The following MYOM1 variants were observed in gnomAD, a reference collection of about 807,000 sequenced individuals.
MYOM1 encodes the protein myomesin 1.
A neutral mutation model predicts 205.3 loss-of-function variants in MYOM1; 164 were observed. That is an observed-to-expected ratio of 0.80 (90% CI 0.70 to 0.91). The LOEUF is 0.91. Ranked by LOEUF, MYOM1 falls within the 40% of genes least tolerant of loss-of-function variation. The pLI is 0.00. For missense variants in MYOM1, 2,011 were observed against 2,127.3 expected (o/e 0.95, Z 1.08); for synonymous variants, 772 against 789.4 (o/e 0.98, Z 0.37).
In MYOM1 at chr18:3,079,246, C is replaced by G. The variant is rs1162855992; in HGVS notation, c.4581G>C (p.Gly1527=). ...QINEPTPNDK[G]KYVMELFDGK... ...CATCAAAGAGCTCCATGACATACTTCCCTTTGTCATTCGGGGTGGGCTCGT... is the reference window on the plus strand; with the variant it reads ...CATCAAAGAGCTCCATGACATACTTGCCTTTGTCATTCGGGGTGGGCTCGT... The change falls in exon 34 of 38, where the codon GGG becomes GGC. Residue 1527 remains glycine, a synonymous_variant. Transcript: ENST00000356443. 12 of 1,613,922 alleles carry G rather than the reference C, an allele frequency of 7.4e-6. No individual in the cohort carries two copies. The highest frequency in any genetic ancestry group is 1.0e-5 in the Non-Finnish European group (12 of 1,179,848).
chr18:3,210,908 A>C (rs2081183442), intron 2 of MYOM1, among the ~76,000 whole-genome samples: 1 of 152,212 alleles, frequency 6.6e-6, no homozygotes, highest in Admixed American at 6.5e-5. Flanking sequence ...TGAAGATAAA[A>C]ATTTCTACTG....
At chr18:3,123,854 C>T (rs913142676) in intron 19 of MYOM1, among the ~76,000 whole-genome samples, 10 of 148,474 alleles carry the variant, frequency 6.7e-5, no homozygotes, top group Non-Finnish European at 1.5e-4. Context: ...CAGGATCTCG[C>T]TCTGTCACCA....
In MYOM1 at chr18:3,148,630, G is replaced by A. The variant is rs1339617702; in HGVS notation, c.1900+515C>T. Reference sequence around the variant, plus strand: ...TGGGAGGCCGAGACGGGCGGATCACGAGGTCAGGAGATCGAGACCATCCTG... The same window carrying A: ...TGGGAGGCCGAGACGGGCGGATCACAAGGTCAGGAGATCGAGACCATCCTG... On this transcript the variant is annotated intron_variant, in intron 13 of 37. Transcript: ENST00000356443. Among the ~76,000 whole-genome samples, 36 of 151,892 alleles carry A rather than the reference G, an allele frequency of 2.4e-4. 1 individual carries two copies. Among genetic ancestry groups the A allele is most frequent in the Admixed American group, 2.4e-3 (36 of 15,246 alleles).
chr18:3,221,750 A>G (rs930224417), upstream of MYOM1, among the ~76,000 whole-genome samples: 6 of 152,192 alleles, frequency 3.9e-5, no homozygotes, highest in Admixed American at 3.3e-4. Context: ...TGTTCCACCT[A>G]GTTCTGATCC....
chr18:3,169,310 A>G (rs1277023382), intron 8 of MYOM1, among the ~76,000 whole-genome samples: 3 of 152,198 alleles, frequency 2.0e-5, no homozygotes, highest in African/African-American at 7.2e-5. Context: ...GCTGCAACAT[A>G]TGCACTTTGT....
chr18:3,083,584 G>A (rs2079113547), intron 33 of MYOM1, among the ~76,000 whole-genome samples: 1 of 139,606 alleles, frequency 7.2e-6, no homozygotes, highest in African/African-American at 2.6e-5. Context: ...GTCTGCCACT[G>A]CGCCCAGCTC....
chr18:3,187,632 T>C lies in MYOM1; in HGVS notation c.777A>G (p.Glu259=). Residue 259 remains glutamate, a synonymous_variant, in exon 5 of 38, where the codon GAA becomes GAG. Transcript: ENST00000356443. ...GCTTGGCATGATATGTCTCGGTTTC[T>C]TCTAACTGAAAAAACAAATATGCAA... is the stretch of plus-strand genomic sequence containing the variant. ...AERLSLRKTL[E]ETETYHAKLN... is the part of the protein sequence containing the mutation. 6.3e-7 allele frequency: 1 copy of C among 1,590,614 alleles called. No individual in the cohort carries two copies. Among genetic ancestry groups the C allele is most frequent in the Non-Finnish European group, 8.6e-7 (1 of 1,163,408 alleles).
Position 3,116,496 on chromosome 18 carries a change from C to T in MYOM1, c.3138G>A (p.Lys1046=), listed in dbSNP as rs1347353023. ...GTGAGTCTTTCCTGACTTCACTACA[C>T]TTGAGACTGTGCGGTGGTCCTGAGA... ...IAVPGPPHSL[K]CSEVRKDSLV... is the part of the protein sequence containing the mutation. The change falls in exon 21 of 38, where the codon AAG becomes AAA. Residue 1046 remains lysine (K), a synonymous_variant. Transcript: ENST00000356443. The T allele has an allele frequency of 3.1e-6, 5 of 1,588,730 alleles. No individual in the cohort carries two copies. The African/African-American group carries it at 4.1e-5, about 13-fold the overall frequency.
chr18:3,161,520 A>G (rs572221401), intron 10 of MYOM1, among the ~76,000 whole-genome samples: 18 of 152,202 alleles, frequency 1.2e-4, no homozygotes, highest in Non-Finnish European at 2.1e-4. Flanking sequence ...GATGAGGGCA[A>G]TTCGGCCTCT....
At chr18:3,182,321 T>G (rs2080746399) in intron 5 of MYOM1, among the ~76,000 whole-genome samples, 1 of 152,094 alleles carries the variant, frequency 6.6e-6, no homozygotes, top group African/African-American at 2.4e-5. Flanking sequence ...CATTGGGAGA[T>G]ATACCTAATG....
intron 16 of MYOM1, 59 bp from the exon 17 acceptor site, chr18:3,131,555 G>T (rs1483512875): frequency 2.0e-6 from 3 of 1,504,364 alleles, no homozygotes; most frequent in Non-Finnish European, 2.7e-6. Flanking sequence ...GAAGATGATT[G>T]TTAGCTTAAT....
intron 12 of MYOM1, among the ~76,000 whole-genome samples, chr18:3,150,457 CA>C (rs11307774): frequency 0.45 from 68,837 of 151,946 alleles, 15,885 homozygotes; most frequent in Admixed American, 0.54. Context: ...CAGTCCTCTA[CA>C]AAGGTGGTTT....
rs762472541 is a variant in MYOM1 at position 3,102,639 on chromosome 18, T to G, written c.3419-9A>C. 6.2e-7 allele frequency: 1 copy of G among 1,608,760 alleles called. No individual in the cohort carries two copies. The highest frequency in any genetic ancestry group is 2.2e-5 in the East Asian group (1 of 44,838). On this transcript the variant is annotated splice_polypyrimidine_tract_variant and intron_variant, in intron 22 of 37. Coordinates refer to ENST00000356443, the MANE Select transcript of MYOM1 (RefSeq NM_003803.4). ...AACAACCTCTTTGGTTCCTACAAGA[T>G]CAAAAAGAAGGCACTGATACTTCGT...
intron 19 of MYOM1, among the ~76,000 whole-genome samples, chr18:3,125,963 T>C (rs546564782): frequency 6.6e-6 from 1 of 151,892 alleles, no homozygotes; most frequent in Non-Finnish European, 1.5e-5. Flanking sequence ...CCGCTGTAAT[T>C]TGGACACTGA....
At chr18:3,102,744 A>G (rs1004240061) in intron 22 of MYOM1, 114 bp from the exon 23 acceptor site, 9 of 1,104,408 alleles carry the variant, frequency 8.1e-6, no homozygotes, top group Non-Finnish European at 1.0e-5. Flanking sequence ...ATCCTAGGTC[A>G]GGGAAAAGCT....
Position 3,151,804 on chromosome 18 carries a change from C to T in MYOM1, c.1733G>A (p.Arg578His), listed in dbSNP as rs200374196. 6.8e-5 allele frequency: 110 copies of T among 1,613,762 alleles called. 1 individual carries two copies. The highest frequency in any genetic ancestry group is 3.2e-4 in the South Asian group (29 of 91,076). Reference sequence around the variant, plus strand: ...AGCTCGAACTCGGAAGATATAGGAACGACCTTCGATCAATCCAGTGACAGG... The same window carrying T: ...AGCTCGAACTCGGAAGATATAGGAATGACCTTCGATCAATCCAGTGACAGG... ...RFPVTGLIEG[R>H]SYIFRVRAVN... is the part of the protein sequence containing the mutation. Residue 578 changes from arginine (R) to histidine (H), a missense_variant, in exon 12 of 38, where the codon CGT (arginine) becomes CAT (histidine). Coordinates refer to ENST00000356443, the MANE Select transcript of MYOM1 (RefSeq NM_003803.4).
chr18:3,153,237 C>T (rs1042782947), intron 11 of MYOM1, among the ~76,000 whole-genome samples: 4 of 152,216 alleles, frequency 2.6e-5, no homozygotes, highest in East Asian at 1.9e-4. Flanking sequence ...GCAGAAAGAA[C>T]ACAAACCTAC....
At chr18:3,090,465 C>T (rs2079209794) in intron 27 of MYOM1, among the ~76,000 whole-genome samples, 193 bp downstream of exon 27, 1 of 152,028 alleles carries the variant, frequency 6.6e-6, no homozygotes, top group Admixed American at 6.6e-5. Context: ...GGTGATCCAC[C>T]CGCCTCGGCC....
rs914435531 is a variant in MYOM1 at position 3,066,950 on chromosome 18, C to T, written c.*312G>A. 17 of 323,224 alleles carry T rather than the reference C, an allele frequency of 5.3e-5. No homozygotes were observed. The highest frequency in any genetic ancestry group is 9.4e-5 in the Non-Finnish European group (16 of 170,102). 20.0% of individuals were successfully genotyped at this position (323,224 alleles called of 1,614,324 possible). On this transcript the variant is annotated 3_prime_UTR_variant, in exon 38 of 38. Coordinates refer to ENST00000356443, the MANE Select transcript of MYOM1 (RefSeq NM_003803.4). ...CACAGCTGCAGCAAATCCCAATTCGCCCCACGACACATTCGTCTGCCCTCT... is the reference window on the plus strand; with the variant it reads ...CACAGCTGCAGCAAATCCCAATTCGTCCCACGACACATTCGTCTGCCCTCT...
Sources: allele counts gnomAD v4.1 joint callset (sites outside exome capture counted in the v4.1 genomes callset), GRCh38; gene constraint gnomAD v4.1.1; transcripts MANE v1.5; gene names NCBI Gene and HGNC (gene_info 2026-07-23, HGNC 2026-07-21).